The following SGCZ variants were observed in gnomAD, a reference collection of about 807,000 sequenced individuals.
SGCZ encodes sarcoglycan zeta, also known as zeta-sarcoglycan.
A neutral mutation model predicts 41.3 loss-of-function variants in SGCZ; 40 were observed. The observed-to-expected ratio is 0.97, with a 90% CI of 0.75 to 1.26. The LOEUF (loss-of-function observed/expected upper bound fraction) is 1.26. Ranked by LOEUF, SGCZ falls within the 50% of genes most tolerant of loss-of-function variation. The probability of loss-of-function intolerance (pLI) is 0.00; values close to 1 mark genes in which losing one functional copy is unlikely to be tolerated. For synonymous variants in SGCZ, 206 were observed against 137.5 expected, an observed-to-expected ratio of 1.50 and a Z score of -3.49; for missense variants, 552 against 369.8, an observed-to-expected ratio of 1.49 and a Z score of -4.04.
intron 4 of SGCZ, among the ~76,000 whole-genome samples, chr8:14,165,887 C>A (rs9325689): frequency 6.6e-6 from 1 of 151,910 alleles, no homozygotes; most frequent in Non-Finnish European, 1.5e-5. Context: ...CTTAAGCTTT[C>A]ATCCATTCAT....
intron 4 of SGCZ, among the ~76,000 whole-genome samples, chr8:14,236,964 A>T (rs1806785262): frequency 6.6e-6 from 1 of 152,178 alleles, no homozygotes; most frequent in South Asian, 2.1e-4. Flanking sequence ...ATCTTAAAAT[A>T]TAATTTCAAC....
chr8:14,582,449 T>C (rs1027059849), intron 1 of SGCZ, among the ~76,000 whole-genome samples: 1 of 152,112 alleles, frequency 6.6e-6, no homozygotes, highest in African/African-American at 2.4e-5. Context: ...TAATCATGTA[T>C]TTTGGGGGGA....
At chr8:14,147,846 T>G (rs958616288) in intron 5 of SGCZ, among the ~76,000 whole-genome samples, 1 of 152,084 alleles carries the variant, frequency 6.6e-6, no homozygotes, top group Non-Finnish European at 1.5e-5. Flanking sequence ...AAAATGGAAA[T>G]AATGTCAAGC....
chr8:14,495,219 T>G (rs955542763), intron 2 of SGCZ, among the ~76,000 whole-genome samples: 1 of 152,146 alleles, frequency 6.6e-6, no homozygotes, highest in African/African-American at 2.4e-5. Flanking sequence ...GTAATGCCTA[T>G]CAGTACTCCC....
At chr8:14,680,663 T>C (rs7836644) in intron 1 of SGCZ, among the ~76,000 whole-genome samples, 55,347 of 151,052 alleles carry the variant, frequency 0.37, 12,740 homozygotes, top group African/African-American at 0.67. Flanking sequence ...AGGAGAGACA[T>C]AGATTGTACG....
chr8:14,958,466 A>C lies in SGCZ; in HGVS notation c.39+279119T>G, dbSNP rs1038605629. ...GGTAAACTCTGAAAACAATGCTGAG[A>C]AGATGAACACGAAAGGTCACATCCT... is the stretch of plus-strand genomic sequence containing the variant. On this transcript the variant is annotated intron_variant, in intron 1 of 7. Transcript: ENST00000382080. Among the ~76,000 whole-genome samples the C allele has an allele frequency of 6.6e-5, 10 of 152,108 alleles. 1 individual carries two copies. Among genetic ancestry groups the C allele is most frequent in the Middle Eastern group, 3.2e-3 (1 of 316 alleles).
At chr8:14,803,317 CG>C (rs1801391143) in intron 1 of SGCZ, among the ~76,000 whole-genome samples, 1 of 152,060 alleles carries the variant, frequency 6.6e-6, no homozygotes, top group Non-Finnish European at 1.5e-5. Context: ...TCTGAGGTAC[CG>C]GATTCATCTC....
intron 2 of SGCZ, among the ~76,000 whole-genome samples, chr8:14,345,899 G>A (rs528877101): frequency 3.3e-5 from 5 of 152,030 alleles, no homozygotes; most frequent in Non-Finnish European, 5.9e-5. Flanking sequence ...ACAGTCAAAA[G>A]ATCAGTGGTT....
At chr8:15,140,712 G>A (rs544514053) in intron 1 of SGCZ, among the ~76,000 whole-genome samples, 9 of 151,986 alleles carry the variant, frequency 5.9e-5, no homozygotes, top group African/African-American at 9.7e-5. Context: ...CTCTATAGGC[G>A]ATTCAGAGAG....
intron 5 of SGCZ, among the ~76,000 whole-genome samples, chr8:14,153,716 A>C (rs1244660648): frequency 6.6e-6 from 1 of 152,082 alleles, no homozygotes; most frequent in Non-Finnish European, 1.5e-5. Context: ...ATAGCCATTG[A>C]TGTGTCTAGA....
rs372202840 is a variant in SGCZ at position 14,421,742 on chromosome 8, T to G, written c.235-97538A>C. ...AATTCATCCCAAGCGCTATCTTGTC[T>G]ATCTTGTGTAATTAATCCCAAAAGC... On this transcript the variant is annotated intron_variant, in intron 2 of 7. Transcript: ENST00000382080. Among the ~76,000 whole-genome samples the G allele has an allele frequency of 3.9e-5, 6 of 152,302 alleles. No individual in the cohort carries two copies. In the East Asian group the frequency reaches 5.8e-4, roughly 15 times the overall value.
chr8:14,510,944 G>A (rs1802449495), intron 2 of SGCZ, among the ~76,000 whole-genome samples: 1 of 152,032 alleles, frequency 6.6e-6, no homozygotes, highest in Non-Finnish European at 1.5e-5. Context: ...AGAGAAGGTG[G>A]GAGGCTAACT....
At chr8:14,511,785 C>T (rs920446446) in intron 2 of SGCZ, among the ~76,000 whole-genome samples, 2 of 151,920 alleles carry the variant, frequency 1.3e-5, no homozygotes, top group Middle Eastern at 3.2e-3. Flanking sequence ...TCCCAAATTC[C>T]CCACCAACTC....
At chr8:14,464,342 T>A (rs1029395516) in intron 2 of SGCZ, among the ~76,000 whole-genome samples, 3 of 151,576 alleles carry the variant, frequency 2.0e-5, no homozygotes, top group Non-Finnish European at 4.4e-5. Flanking sequence ...TGTGATTTTG[T>A]CTTTCTATGA....
chr8:14,833,221 G>A lies in SGCZ; in HGVS notation c.40-278295C>T, dbSNP rs189033967. On this transcript the variant is annotated intron_variant, in intron 1 of 7. Transcript: ENST00000382080. ...AGTATAGGCTCTCACATTAATGATC[G>A]TTAAACACAAATGACACAGAGTAGG... Among the ~76,000 whole-genome samples, 679 of 152,148 alleles carry A rather than the reference G, an allele frequency of 4.5e-3. 5 individuals carry two copies. The highest frequency in any genetic ancestry group is 0.015 in the South Asian group (74 of 4,824).
At chr8:14,178,415 T>C (rs540283111) in intron 4 of SGCZ, among the ~76,000 whole-genome samples, 1 of 152,344 alleles carries the variant, frequency 6.6e-6, no homozygotes, top group Non-Finnish European at 1.5e-5. Flanking sequence ...TTAGATTACC[T>C]ATTGAGGCTA....
intron 1 of SGCZ, among the ~76,000 whole-genome samples, chr8:15,183,287 T>C (rs1366373654): frequency 2.0e-5 from 3 of 152,232 alleles, no homozygotes; most frequent in Non-Finnish European, 2.9e-5. Context: ...TGCTAGGCTG[T>C]CATACAGCTG....
chr8:15,026,853 T>C (rs567578902), intron 1 of SGCZ, among the ~76,000 whole-genome samples: 2 of 152,300 alleles, frequency 1.3e-5, no homozygotes, highest in East Asian at 3.9e-4. Context: ...AATTCTCTTT[T>C]TGAGGAGACA....
chr8:14,262,405 T>C (rs1338748003), intron 3 of SGCZ, among the ~76,000 whole-genome samples: 1 of 152,136 alleles, frequency 6.6e-6, no homozygotes, highest in Non-Finnish European at 1.5e-5. Context: ...ACACTGGCCA[T>C]AGAGATTTCC....
Sources: gnomAD v4.1 joint callset for allele counts (sites outside exome capture counted in the v4.1 genomes callset) on GRCh38, gnomAD v4.1.1 for gene constraint, MANE v1.5 for transcripts, NCBI Gene and HGNC (gene_info 2026-07-23, HGNC 2026-07-21) for gene names.